Variants in SCHIP1 observed in about 807,000 individuals in gnomAD.
SCHIP1 encodes schwannomin interacting protein 1, also known as schwannomin-interacting protein 1.
Under a neutral mutation model 29.7 loss-of-function variants are expected in SCHIP1, and 8 were observed. That is an observed-to-expected ratio of 0.27 (90% confidence interval 0.16 to 0.49). SCHIP1 has a LOEUF of 0.49. SCHIP1 is among the 20% of genes least tolerant of loss of function. The probability of loss-of-function intolerance (pLI) is 0.99; values close to 1 mark genes in which losing one functional copy is unlikely to be tolerated. For synonymous variants in SCHIP1, 76 were observed against 94.9 expected, an observed-to-expected ratio of 0.80 and a Z score of 1.16; for missense variants, 193 against 294.6, an observed-to-expected ratio of 0.66 and a Z score of 2.52.
the SCHIP1 span, among the ~76,000 whole-genome samples, chr3:159,481,211 C>T: frequency 6.6e-6 from 1 of 152,192 alleles, no homozygotes; most frequent in African/African-American, 2.4e-5. Flanking sequence ...CCCAGACCTA[C>T]TAAATCAGAA....
the SCHIP1 span, among the ~76,000 whole-genome samples, chr3:159,548,639 T>C: frequency 6.6e-6 from 1 of 152,068 alleles, no homozygotes; most frequent in Admixed American, 6.6e-5. Context: ...TCTATTGCTC[T>C]CTCTTAAGTT....
At chr3:159,750,233 C>T in the SCHIP1 span, among the ~76,000 whole-genome samples, 347 of 133,820 alleles carry the variant, frequency 2.6e-3, 2 homozygotes, top group African/African-American at 9.5e-3. Context: ...GGTCAAAAAG[C>T]CAAATATATA....
At chr3:159,755,096 G>T in the SCHIP1 span, among the ~76,000 whole-genome samples, 1 of 152,068 alleles carries the variant, frequency 6.6e-6, no homozygotes. Context: ...TTAGCCAGGC[G>T]TGGCGGCAGG....
chr3:159,686,949 G>A, the SCHIP1 span, among the ~76,000 whole-genome samples: 13 of 152,144 alleles, frequency 8.5e-5, no homozygotes, highest in East Asian at 3.9e-4. Context: ...GCTTTCTTTC[G>A]TTCTTAGGCA....
chr3:159,384,513 G>C, the SCHIP1 span, among the ~76,000 whole-genome samples: 1 of 142,862 alleles, frequency 7.0e-6, no homozygotes, highest in African/African-American at 2.6e-5. Context: ...CGGTTTGCCA[G>C]TATTTTATTG....
chr3:159,652,153 T>G, the SCHIP1 span, among the ~76,000 whole-genome samples: 2 of 152,170 alleles, frequency 1.3e-5, 1 homozygote, highest in African/African-American at 4.8e-5. Flanking sequence ...TGGCTCATGT[T>G]TATGGTCTAT....
chr3:159,288,593 T>A, the SCHIP1 span, among the ~76,000 whole-genome samples: 1 of 152,132 alleles, frequency 6.6e-6, no homozygotes, highest in Non-Finnish European at 1.5e-5. Context: ...CAATATTAGC[T>A]GGGCATGGTG....
At chr3:159,753,101 C>T in the SCHIP1 span, among the ~76,000 whole-genome samples, 1 of 152,144 alleles carries the variant, frequency 6.6e-6, no homozygotes, top group Admixed American at 6.5e-5. Context: ...TGCTTCTTCT[C>T]CTAGTTCTAT....
the SCHIP1 span, among the ~76,000 whole-genome samples, chr3:159,522,994 A>G: frequency 6.6e-6 from 1 of 152,224 alleles, no homozygotes; most frequent in African/African-American, 2.4e-5. Context: ...AGGCCGAGTA[A>G]TAAAGGAACT....
At chr3:159,789,334 C>T in the SCHIP1 span, among the ~76,000 whole-genome samples, 1 of 152,134 alleles carries the variant, frequency 6.6e-6, no homozygotes. Flanking sequence ...TGAGACCGGC[C>T]CACTTTATGG....
the SCHIP1 span, among the ~76,000 whole-genome samples, chr3:159,561,029 C>T: frequency 6.6e-5 from 10 of 152,158 alleles, no homozygotes; most frequent in Non-Finnish European, 1.3e-4. Context: ...ATTTCAGAAA[C>T]AGAAATAATC....
the SCHIP1 span, among the ~76,000 whole-genome samples, chr3:159,538,259 C>A: frequency 6.6e-6 from 1 of 152,062 alleles, no homozygotes; most frequent in East Asian, 1.9e-4. Flanking sequence ...AAAAAAACAA[C>A]TGCCATAATA....
the SCHIP1 span, among the ~76,000 whole-genome samples, chr3:159,590,653 C>T: frequency 2.0e-5 from 3 of 152,074 alleles, no homozygotes; most frequent in South Asian, 2.1e-4. Flanking sequence ...TGTGTTAAAT[C>T]CCTCTCCCTG....
the SCHIP1 span, among the ~76,000 whole-genome samples, chr3:159,363,604 G>A: frequency 6.6e-6 from 1 of 152,108 alleles, no homozygotes; most frequent in Non-Finnish European, 1.5e-5. Context: ...TTACTATCTT[G>A]GATTTGGTGA....
At chr3:159,611,467 G>A in the SCHIP1 span, among the ~76,000 whole-genome samples, 1 of 144,206 alleles carries the variant, frequency 6.9e-6, no homozygotes, top group African/African-American at 2.5e-5. Context: ...CTCATAAGTG[G>A]GAGTTGAACA....
At chr3:159,698,012 C>T in the SCHIP1 span, among the ~76,000 whole-genome samples, 1 of 152,224 alleles carries the variant, frequency 6.6e-6, no homozygotes, top group Non-Finnish European at 1.5e-5. Flanking sequence ...TTCAGCCATG[C>T]ATTTGGCACC....
At chr3:159,840,387 G>A (rs984705486) in intron 1 of SCHIP1, among the ~76,000 whole-genome samples, 1 of 152,158 alleles carries the variant, frequency 6.6e-6, no homozygotes, top group Non-Finnish European at 1.5e-5. Flanking sequence ...GGAGTAATGG[G>A]GCAGAAAACA....
intron 1 of SCHIP1, among the ~76,000 whole-genome samples, chr3:159,848,108 T>G (rs979188369): frequency 6.6e-6 from 1 of 152,208 alleles, no homozygotes; most frequent in African/African-American, 2.4e-5. Flanking sequence ...CTGATAATGA[T>G]CATTTAAAAG....
At chr3:159,581,452 G>A in the SCHIP1 span, among the ~76,000 whole-genome samples, 1 of 152,184 alleles carries the variant, frequency 6.6e-6, no homozygotes, top group South Asian at 2.1e-4. Context: ...TTCTACTTCA[G>A]CCTAATACTA....
Sources: gnomAD v4.1 joint callset for allele counts (sites outside exome capture counted in the v4.1 genomes callset) on GRCh38, gnomAD v4.1.1 for gene constraint, MANE v1.5 for transcripts, NCBI Gene and HGNC (gene_info 2026-07-23, HGNC 2026-07-21) for gene names.